NPAS2: variants seen among roughly 807,000 people sequenced by gnomAD.
NPAS2 encodes the protein neuronal PAS domain protein 2.
In NPAS2, 23 loss-of-function variants were observed where a neutral mutation model predicts 107.5. The ratio of observed to expected loss-of-function variants is 0.21; its 90% CI spans 0.15 to 0.30. NPAS2 has a LOEUF of 0.30. Among genes scored for constraint, NPAS2 ranks in the 10% least tolerant of loss-of-function variants. NPAS2 has a pLI of 1.00. For synonymous variants in NPAS2, 403 were observed against 417.5 expected, an observed-to-expected ratio of 0.97 and a Z score of 0.42; for missense variants, 756 against 1,043.3, an observed-to-expected ratio of 0.72 and a Z score of 3.79.
chr2:100,825,768 G>A (rs1676336042), intron 1 of NPAS2, among the ~76,000 whole-genome samples: 1 of 152,174 alleles, frequency 6.6e-6, no homozygotes. Context: ...AAGAGACAAG[G>A]AAGGAAACAG....
intron 1 of NPAS2, among the ~76,000 whole-genome samples, chr2:100,873,307 TACACACACACACAC>T (rs368306404): frequency 0.015 from 629 of 41,820 alleles, 11 homozygotes; most frequent in African/African-American, 0.047. Flanking sequence ...TATATATATA[TACACACACACACAC>T]ACACACACAC....
At chr2:100,981,522 A>G (rs1284515150) in intron 15 of NPAS2, among the ~76,000 whole-genome samples, 1 of 152,132 alleles carries the variant, frequency 6.6e-6, no homozygotes, top group Non-Finnish European at 1.5e-5. Flanking sequence ...CCTTCCCCAG[A>G]AAGGATTAAG....
rs1223986482 is a variant in NPAS2, at chr2:100,965,824, A to G, written c.907+58A>G. 5 of 1,097,772 alleles carry G rather than the reference A, an allele frequency of 4.6e-6. No individual in the cohort carries two copies. The highest frequency in any genetic ancestry group is 6.9e-6 in the Non-Finnish European group (5 of 725,746). The allele number at this position is 1,097,772 out of a possible 1,614,324, so 68.0% of individuals were successfully genotyped here. A position where few individuals can be genotyped will look rare whatever the true frequency, so the allele number is the denominator to read the frequency against. ...CCTTGCGTTCACTCCACTGGGGCCC[A>G]GCAGCAGGGCTCTGGGACTCCAGAA... On this transcript the variant is annotated intron_variant, in intron 10 of 20. Coordinates refer to ENST00000335681, the MANE Select transcript of NPAS2 (RefSeq NM_002518.4). This position sits in a 1 kb window ranked among gnomAD's most constrained non-coding sequence, Gnocchi z 4.3.
chr2:100,961,969 G>T (rs1262508991), intron 7 of NPAS2, among the ~76,000 whole-genome samples: 5 of 152,180 alleles, frequency 3.3e-5, no homozygotes, highest in Admixed American at 3.3e-4. Flanking sequence ...TTAGATTCTA[G>T]CAGAGAGAGT....
intron 11 of NPAS2, among the ~76,000 whole-genome samples, chr2:100,969,695 A>G (rs1676428261): frequency 6.6e-6 from 1 of 152,154 alleles, no homozygotes. Context: ...CATAGAGTGT[A>G]CTGGACACAC....
At position 100,959,670 on chromosome 2, in the gene NPAS2, C is replaced by T. The variant is rs141480662; in HGVS notation, c.599-4388C>T. ...CTTAACAACTTTATTCTTCCTGGAGCGAAACCTCATCACTGATAGTTTCAT... is the reference window on the plus strand; with the variant it reads ...CTTAACAACTTTATTCTTCCTGGAGTGAAACCTCATCACTGATAGTTTCAT... On this transcript the variant is annotated intron_variant, in intron 7 of 20. Coordinates refer to ENST00000335681, the MANE Select transcript of NPAS2 (RefSeq NM_002518.4). Among the ~76,000 whole-genome samples, 209 of 152,282 alleles carry T rather than the reference C, an allele frequency of 1.4e-3. 5 individuals are homozygous for T. In the East Asian group the frequency reaches 0.033, roughly 24 times the overall value.
chr2:100,891,254 G>A (rs957338876), intron 1 of NPAS2, among the ~76,000 whole-genome samples: 1 of 151,624 alleles, frequency 6.6e-6, no homozygotes. Flanking sequence ...AAAGAAGTGA[G>A]GATGACAGGA....
At chr2:100,928,991 C>T (rs748970940) in intron 3 of NPAS2, among the ~76,000 whole-genome samples, 3 of 152,202 alleles carry the variant, frequency 2.0e-5, no homozygotes, top group Non-Finnish European at 2.9e-5. Context: ...GCAGCCTCCA[C>T]CTCCCAGGTT....
chr2:100,946,535 T>G (rs1674909990), intron 5 of NPAS2, among the ~76,000 whole-genome samples: 1 of 152,010 alleles, frequency 6.6e-6, no homozygotes, highest in Non-Finnish European at 1.5e-5. Flanking sequence ...TCGGAAGGAT[T>G]AGAGAAGTGC....
At chr2:100,890,443 A>G (rs1284631988) in intron 1 of NPAS2, among the ~76,000 whole-genome samples, 3 of 151,922 alleles carry the variant, frequency 2.0e-5, no homozygotes, top group Admixed American at 1.3e-4. Context: ...CTTCCCAGGG[A>G]CCCTAGCCTA....
At chr2:100,872,823 G>A (rs1366620806) in intron 1 of NPAS2, among the ~76,000 whole-genome samples, 1 of 152,028 alleles carries the variant, frequency 6.6e-6, no homozygotes, top group East Asian at 1.9e-4. Flanking sequence ...CCTCCAGGAA[G>A]TCCTCCCTGA....
At chr2:100,942,448 G>A (rs1000492853) in intron 5 of NPAS2, among the ~76,000 whole-genome samples, 10 of 151,912 alleles carry the variant, frequency 6.6e-5, no homozygotes, top group African/African-American at 1.5e-4. Flanking sequence ...TCCCTGGGTC[G>A]GAGCAGAGCC....
chr2:100,918,149 C>T (rs188130960), intron 2 of NPAS2, among the ~76,000 whole-genome samples: 2 of 151,532 alleles, frequency 1.3e-5, no homozygotes, highest in East Asian at 1.9e-4. Context: ...CAATGTAATC[C>T]GTTATGTTAT....
At chr2:100,948,968 T>C (rs138106977) in intron 6 of NPAS2, among the ~76,000 whole-genome samples, 1 of 152,324 alleles carries the variant, frequency 6.6e-6, no homozygotes, top group East Asian at 1.9e-4. Context: ...TGTGTCCATT[T>C]TCCATGAATA....
intron 1 of NPAS2, among the ~76,000 whole-genome samples, chr2:100,876,434 C>T (rs559099239): frequency 2.6e-5 from 4 of 152,340 alleles, no homozygotes; most frequent in East Asian, 3.9e-4. Flanking sequence ...GAACGTAGAA[C>T]GAGGTATCTG....
intron 1 of NPAS2, among the ~76,000 whole-genome samples, chr2:100,884,387 G>A (rs1395398932): frequency 6.6e-6 from 1 of 152,154 alleles, no homozygotes; most frequent in African/African-American, 2.4e-5. Flanking sequence ...CTACAACCAA[G>A]ATAAGAGACA....
chr2:100,920,261 G>C (rs1001962517), intron 2 of NPAS2, among the ~76,000 whole-genome samples: 1 of 152,054 alleles, frequency 6.6e-6, no homozygotes, highest in Non-Finnish European at 1.5e-5. Context: ...TAATAATAAC[G>C]TACAGTGTTG....
intron 2 of NPAS2, among the ~76,000 whole-genome samples, chr2:100,911,538 C>A (rs970034815): frequency 6.6e-6 from 1 of 152,012 alleles, no homozygotes; most frequent in Non-Finnish European, 1.5e-5. Flanking sequence ...AATTCTCCTG[C>A]CCGGCCACAA....
intron 1 of NPAS2, among the ~76,000 whole-genome samples, chr2:100,827,590 C>T (rs977592674): frequency 1.3e-5 from 2 of 152,112 alleles, no homozygotes; most frequent in Non-Finnish European, 2.9e-5. Context: ...TCTTTATGTC[C>T]ACAAGTACCC....
Sources: gnomAD v4.1 joint callset for allele counts (sites outside exome capture counted in the v4.1 genomes callset) on GRCh38, gnomAD v4.1.1 for gene constraint, Gnocchi (gnomAD v3.1) non-coding constraint, MANE v1.5 for transcripts, NCBI Gene and HGNC (gene_info 2026-07-23, HGNC 2026-07-21) for gene names.